The following MCTP2 variants were observed in gnomAD, a reference collection of about 807,000 sequenced individuals.
MCTP2 encodes multiple C2 and transmembrane domain-containing protein 2.
In MCTP2, 132 loss-of-function variants were observed where a neutral mutation model predicts 111.6. The observed-to-expected ratio is 1.18, with a 90% CI of 1.03 to 1.37. The LOEUF (loss-of-function observed/expected upper bound fraction) is 1.37. MCTP2 is among the 40% of genes most tolerant of loss of function. MCTP2 has a pLI of 0.00. For synonymous variants in MCTP2, 395 were observed against 387.7 expected (o/e 1.02, Z -0.22); for missense variants, 1,183 against 1,067.9 (o/e 1.11, Z -1.50).
At chr15:94,448,666 T>G (rs2084265891) in intron 19 of MCTP2, among the ~76,000 whole-genome samples, 1 of 152,236 alleles carries the variant, frequency 6.6e-6, no homozygotes, top group Non-Finnish European at 1.5e-5. Context: ...CCAAGCATTT[T>G]GGATAAAGGA....
intron 11 of MCTP2, 116 bp from the exon 12 acceptor site, chr15:94,369,971 A>T (rs2152437648): frequency 8.1e-5 from 43 of 530,320 alleles, no homozygotes; most frequent in Non-Finnish European, 1.1e-4. Flanking sequence ...ATTTTTTTTT[A>T]AAGATTTCAT....
rs1246857078 is a variant in MCTP2, at chr15:94,298,227, G to A, written c.-39G>A. 7 of 1,485,572 alleles carry A rather than the reference G, an allele frequency of 4.7e-6. No homozygotes were observed. The highest frequency in any genetic ancestry group is 6.4e-6 in the Non-Finnish European group (7 of 1,098,180). 92.0% of individuals were successfully genotyped at this position (1,485,572 alleles called of 1,614,324 possible). ...AGTCATTGCAGTTTTCAGTAGAGGT[G>A]TACTTCTGAGAAGTGGCTTCTTGGG... is the stretch of plus-strand genomic sequence containing the variant. On this transcript the variant is annotated 5_prime_UTR_variant, in exon 2 of 23. Coordinates refer to ENST00000357742, the MANE Select transcript of MCTP2 (RefSeq NM_001385001.1).
chr15:94,329,684 A>G (rs746492332), intron 4 of MCTP2, among the ~76,000 whole-genome samples: 6 of 152,068 alleles, frequency 3.9e-5, no homozygotes, highest in Non-Finnish European at 7.4e-5. Context: ...CACCTCCAAC[A>G]TTAGGGATTA....
At chr15:94,311,775 A>G (rs1393085239) in intron 2 of MCTP2, among the ~76,000 whole-genome samples, 1 of 152,194 alleles carries the variant, frequency 6.6e-6, no homozygotes, top group Non-Finnish European at 1.5e-5. Flanking sequence ...CACATATTTG[A>G]ATAAAAGCTC....
In MCTP2 at chr15:94,384,017, T is replaced by G. The variant is rs1192242227; in HGVS notation, c.1583-5T>G. ...CTTTGACCGATGTGTATGTTATCTT[T>G]CCAGGGAAGAGTGACCCATTTTGCT... On this transcript the variant is annotated splice_region_variant and splice_polypyrimidine_tract_variant and intron_variant, in intron 12 of 22. Coordinates refer to ENST00000357742, the MANE Select transcript of MCTP2 (RefSeq NM_001385001.1). 4 of 1,604,606 alleles carry G rather than the reference T, an allele frequency of 2.5e-6. No individual in the cohort carries two copies. In the East Asian group the frequency reaches 6.7e-5, roughly 27 times the overall value.
chr15:94,361,943 C>T (rs901628647), intron 10 of MCTP2, among the ~76,000 whole-genome samples: 8 of 152,134 alleles, frequency 5.3e-5, no homozygotes, highest in African/African-American at 1.2e-4. Flanking sequence ...GGACCTGCCC[C>T]GTAGGCCCCT....
intron 1 of MCTP2, among the ~76,000 whole-genome samples, chr15:94,250,949 G>A (rs1377380026): frequency 6.6e-6 from 1 of 152,204 alleles, no homozygotes; most frequent in African/African-American, 2.4e-5. Flanking sequence ...ATCTAAATGA[G>A]AAGCAATACA....
chr15:94,369,934 G>A (rs899024553), intron 11 of MCTP2, among the ~76,000 whole-genome samples, 153 bp from the exon 12 acceptor site: 2 of 150,576 alleles, frequency 1.3e-5, no homozygotes, highest in Admixed American at 6.7e-5. Flanking sequence ...GTGCCTAACC[G>A]TCCTGTTATA....
chr15:94,475,569 G>A (rs1041331329), intron 21 of MCTP2, among the ~76,000 whole-genome samples: 10 of 152,154 alleles, frequency 6.6e-5, no homozygotes, highest in African/African-American at 1.9e-4. Context: ...AGAGTACAAC[G>A]AAGCTAAGAA....
chr15:94,333,787 G>T (rs1042288778), intron 4 of MCTP2, among the ~76,000 whole-genome samples: 3 of 152,150 alleles, frequency 2.0e-5, no homozygotes, highest in African/African-American at 7.2e-5. Context: ...GAATACAACA[G>T]TAGGTAAGGA....
At chr15:94,410,962 T>C (rs2082126274) in intron 17 of MCTP2, among the ~76,000 whole-genome samples, 1 of 152,234 alleles carries the variant, frequency 6.6e-6, no homozygotes, top group Admixed American at 6.5e-5. Flanking sequence ...CCAGGAATTG[T>C]GCTAACTAGT....
At chr15:94,457,659 TTAAAAATGCAGC>T (rs762721190) in intron 19 of MCTP2, among the ~76,000 whole-genome samples, 29 of 152,318 alleles carry the variant, frequency 1.9e-4, no homozygotes, top group Non-Finnish European at 3.8e-4. Context: ...TAGAACATGC[TTAAAAATGCAGC>T]GGAGTTTGAC....
At position 94,479,177 on chromosome 15, in the gene MCTP2, G is replaced by A. The variant is rs921670538; in HGVS notation, c.*143G>A. The A allele has an allele frequency of 1.7e-5, 13 of 757,170 alleles. No homozygotes were observed. The highest frequency in any genetic ancestry group is 6.9e-5 in the African/African-American group (4 of 58,258). The allele number at this position is 757,170 out of a possible 1,614,324, so 46.9% of individuals were successfully genotyped here. A position where few individuals can be genotyped will look rare whatever the true frequency, so the allele number is the denominator to read the frequency against. On this transcript the variant is annotated 3_prime_UTR_variant, in exon 23 of 23. Coordinates refer to ENST00000357742, the MANE Select transcript of MCTP2 (RefSeq NM_001385001.1). The stretch of plus-strand genomic sequence containing the variant: ...CTCTGTATACTTCCTCCTCCTTCAC[G>A]TGCACAGACATACACACATGTGCAC...
chr15:94,334,795 G>T (rs1189128384), intron 4 of MCTP2, among the ~76,000 whole-genome samples: 1 of 151,936 alleles, frequency 6.6e-6, no homozygotes, highest in East Asian at 1.9e-4. Context: ...TGATCCTCCT[G>T]CCTTGACCTC....
chr15:94,286,593 C>T (rs751431525), intron 1 of MCTP2, among the ~76,000 whole-genome samples: 1 of 152,120 alleles, frequency 6.6e-6, no homozygotes, highest in Non-Finnish European at 1.5e-5. Flanking sequence ...CTCTAAAATG[C>T]TCTGTAAAAT....
chr15:94,353,941 A>G (rs2078458150), intron 8 of MCTP2, among the ~76,000 whole-genome samples: 1 of 152,044 alleles, frequency 6.6e-6, no homozygotes, highest in Admixed American at 6.6e-5. Flanking sequence ...TTTATGACCA[A>G]TACAAAAATC....
intron 20 of MCTP2, 83 bp downstream of exon 20, chr15:94,458,329 A>C: frequency 1.2e-6 from 1 of 818,588 alleles, no homozygotes; most frequent in Admixed American, 1.9e-5. Flanking sequence ...GGTGTGCGAC[A>C]AAGGGAGGCA....
At chr15:94,417,928 C>G (rs1472580374) in intron 17 of MCTP2, among the ~76,000 whole-genome samples, 1 of 152,078 alleles carries the variant, frequency 6.6e-6, no homozygotes, top group Non-Finnish European at 1.5e-5. Flanking sequence ...TTAATGTGAA[C>G]TTACTGCAAG....
chr15:94,298,400 C>A lies in MCTP2; in HGVS notation c.135C>A (p.Asp45Glu). 4 of 1,614,208 alleles carry A rather than the reference C, an allele frequency of 2.5e-6. No homozygotes were observed. Among genetic ancestry groups the A allele is most frequent in the Non-Finnish European group, 3.4e-6 (4 of 1,180,024 alleles). The change falls in exon 2 of 23, where the codon GAC becomes GAA. Residue 45 changes from aspartate to glutamate, a missense_variant. By Grantham distance (45) the Asp-to-Glu change is conservative. Transcript: ENST00000357742. ...ATCTACGGGCAAGGCATCACTTGGACCGCCGTCTCAGCCTCTCTGTGCCTG... is the reference window on the plus strand; with the variant it reads ...ATCTACGGGCAAGGCATCACTTGGAACGCCGTCTCAGCCTCTCTGTGCCTG... The part of the protein sequence containing the change: ...PPDLRARHHL[D>E]RRLSLSVPDL...
Sources: gnomAD v4.1 joint callset for allele counts (sites outside exome capture counted in the v4.1 genomes callset) on GRCh38, gnomAD v4.1.1 for gene constraint, MANE v1.5 for transcripts, NCBI Gene and HGNC (gene_info 2026-07-23, HGNC 2026-07-21) for gene names.